HMCN1: variants seen among roughly 807,000 people sequenced by gnomAD.
The protein encoded by HMCN1 is hemicentin 1.
In HMCN1, 321 loss-of-function variants were observed where a neutral mutation model predicts 625.9. The observed-to-expected ratio is 0.51, with a 90% CI of 0.47 to 0.56. HMCN1 has a LOEUF of 0.56. Ranked by LOEUF, HMCN1 falls within the 20% of genes least tolerant of loss-of-function variation. The pLI, the probability that HMCN1 is intolerant of heterozygous loss-of-function variation, is 0.00. For synonymous variants in HMCN1, 2,425 were observed against 2,417.6 expected (o/e 1.00, Z -0.09); for missense variants, 6,588 against 6,887.3 (o/e 0.96, Z 1.54).
intron 89 of HMCN1, among the ~76,000 whole-genome samples, chr1:186,140,412 A>G (rs537385665): frequency 2.0e-5 from 3 of 152,164 alleles, no homozygotes; most frequent in Admixed American, 1.3e-4. Context: ...ACATCTCCTC[A>G]TGATTACATG....
At chr1:186,150,388 A>C (rs1215869572) in intron 93 of HMCN1, among the ~76,000 whole-genome samples, 1 of 152,236 alleles carries the variant, frequency 6.6e-6, no homozygotes, top group Non-Finnish European at 1.5e-5. Flanking sequence ...TTTGTTGAAC[A>C]ATAGAAAGAA....
chr1:185,952,874 A>G (rs1649319691), intron 11 of HMCN1, among the ~76,000 whole-genome samples: 1 of 151,310 alleles, frequency 6.6e-6, no homozygotes, highest in African/African-American at 2.4e-5. Context: ...GGATTGGGAC[A>G]CGGAAATAAG....
rs1266476611 is a variant in HMCN1 at position 186,053,025 on chromosome 1, G to C, written c.6651G>C (p.Leu2217Phe). ...TTGAAGGGAATCTCATTAGTCTGTT[G>C]TGTGAATCAAGTGGTATTCCACCCC... ...TVIEGNLISL[L>F]CESSGIPPPN... Residue 2217 changes from leucine (L) to phenylalanine (F), a missense_variant, in exon 43 of 107, where the codon TTG (leucine) becomes TTC (phenylalanine). Coordinates refer to ENST00000271588, the MANE Select transcript of HMCN1 (RefSeq NM_031935.3). 2 of 1,609,800 alleles carry C rather than the reference G, an allele frequency of 1.2e-6. No homozygotes were observed. Among genetic ancestry groups the C allele is most frequent in the South Asian group, 2.2e-5 (2 of 90,898 alleles).
intron 80 of HMCN1, 117 bp from the exon 81 acceptor site, chr1:186,122,834 G>T: frequency 9.3e-7 from 1 of 1,078,676 alleles, no homozygotes; most frequent in East Asian, 2.5e-5. Context: ...CTAATGATAT[G>T]GTGAAGTCAG....
At chr1:185,743,047 T>G (rs1012706414) in intron 1 of HMCN1, among the ~76,000 whole-genome samples, 8 of 152,228 alleles carry the variant, frequency 5.3e-5, no homozygotes, top group Non-Finnish European at 1.2e-4. Context: ...AATTTGACAT[T>G]GCTTATGATT....
rs1305289235 is a variant in HMCN1, at chr1:186,018,317, G to A, written c.5435G>A (p.Gly1812Glu). The change falls in exon 34 of 107, where the codon GGA becomes GAA. Residue 1812 changes from glycine to glutamate, a missense_variant. Gly to Glu is a moderately conservative substitution (Grantham distance 98, BLOSUM62 -2). Around this residue, in one of 3 missense-constraint regions of HMCN1, gnomAD observed 4,628 missense variants for 4,853.1 expected, o/e 0.95. Coordinates refer to ENST00000271588, the MANE Select transcript of HMCN1 (RefSeq NM_031935.3). ...LYRCMAANTA[G>E]DHKKEFEVTV... The stretch of plus-strand genomic sequence containing the variant: ...CGGTGCATGGCAGCAAATACTGCTG[G>A]AGACCACAAGAAGGAATTTGAAGTG... 2 of 1,612,908 alleles carry A rather than the reference G, an allele frequency of 1.2e-6. No homozygotes were observed. Among genetic ancestry groups the A allele is most frequent in the East Asian group, 4.5e-5 (2 of 44,850 alleles).
Position 185,962,633 on chromosome 1 carries a change from C to A in HMCN1, c.1944C>A (p.Asn648Lys). 6.3e-7 allele frequency: 1 copy of A among 1,588,862 alleles called. No homozygotes were observed. Among genetic ancestry groups the A allele is most frequent in the Non-Finnish European group, 8.6e-7 (1 of 1,157,002 alleles). Residue 648 changes from asparagine to lysine, a missense_variant, in exon 12 of 107, where the codon AAC becomes AAA. Transcript: ENST00000271588. ...YPKPKIAWTV[N>K]DMFIVGSHRY... The stretch of plus-strand genomic sequence containing the variant: ...AACCAAAGATTGCCTGGACCGTTAA[C>A]GATATGTTTATCGTGGGTTCACACA...
rs569609742 is a variant in HMCN1, at chr1:186,019,296, G to A, written c.5471-245G>A. Among the ~76,000 whole-genome samples, 22 of 151,994 alleles carry A rather than the reference G, an allele frequency of 1.4e-4. No individual in the cohort carries two copies. In the South Asian group the frequency reaches 3.5e-3, roughly 24 times the overall value. On this transcript the variant is annotated intron_variant, in intron 34 of 106. Transcript: ENST00000271588. ...TAAGCCAAATATACATGTGGATTAC[G>A]GTAGCCATAAATACAATTTACTTAT...
At chr1:185,829,539 A>C (rs1326692640) in intron 1 of HMCN1, among the ~76,000 whole-genome samples, 2 of 152,108 alleles carry the variant, frequency 1.3e-5, no homozygotes, top group Non-Finnish European at 2.9e-5. Flanking sequence ...TTAGTTTGCT[A>C]AGGATGATGG....
chr1:186,139,765 G>T (rs1426247779), intron 89 of HMCN1, among the ~76,000 whole-genome samples: 1 of 152,072 alleles, frequency 6.6e-6, no homozygotes, highest in African/African-American at 2.4e-5. Flanking sequence ...TGCCACATTG[G>T]TAGGTAAATA....
At chr1:186,144,474 A>C in intron 90 of HMCN1, 59 bp from the exon 91 acceptor site, 1 of 1,612,168 alleles carries the variant, frequency 6.2e-7, no homozygotes, top group African/African-American at 1.3e-5. Flanking sequence ...CAATGCCCAG[A>C]GTGTAACACG....
intron 2 of HMCN1, among the ~76,000 whole-genome samples, chr1:185,861,042 C>T (rs949585926): frequency 2.6e-5 from 4 of 152,068 alleles, no homozygotes; most frequent in Non-Finnish European, 4.4e-5. Flanking sequence ...TTAGGTTGAG[C>T]TTGAAGTTCC....
At chr1:185,787,420 G>A (rs1657696901) in intron 1 of HMCN1, among the ~76,000 whole-genome samples, 1 of 152,188 alleles carries the variant, frequency 6.6e-6, no homozygotes, top group Non-Finnish European at 1.5e-5. Context: ...AAGATTGGCA[G>A]AAGCACACCC....
At position 185,883,879 on chromosome 1, in the gene HMCN1, A is replaced by ATT. The variant is rs1205211897; in HGVS notation, c.621+18041_621+18042dup. Among the ~76,000 whole-genome samples the ATT allele has an allele frequency of 2.9e-3, 162 of 55,880 alleles. 1 individual carries two copies. Among genetic ancestry groups the ATT allele is most frequent in the Non-Finnish European group, 3.9e-3 (106 of 27,174 alleles). 36.7% of individuals were successfully genotyped at this position (55,880 alleles called of 152,430 possible). A position where few individuals can be genotyped will look rare whatever the true frequency, so the allele number is the denominator to read the frequency against. On this transcript the variant is annotated intron_variant, in intron 4 of 106. Coordinates refer to ENST00000271588, the MANE Select transcript of HMCN1 (RefSeq NM_031935.3). ...AATCAATTAATAGATATAGGTCATGATTTTTTTTTTTTTTTTTTTTTTTTT... is the reference window on the plus strand; with the variant it reads ...AATCAATTAATAGATATAGGTCATGATTTTTTTTTTTTTTTTTTTTTTTTTTT...
Position 186,190,543 on chromosome 1 carries a change from T to TA in HMCN1, c.*671dup, listed in dbSNP as rs1463739746. ...GCTGAACCACTTATGATAATAATAA[T>TA]AAAAAAGACTGCTTTGCCCTCACGT... On this transcript the variant is annotated 3_prime_UTR_variant, in exon 107 of 107. Coordinates refer to ENST00000271588, the MANE Select transcript of HMCN1 (RefSeq NM_031935.3). 4.9e-6 allele frequency: 1 copy of TA among 202,208 alleles called. No individual in the cohort carries two copies. Among genetic ancestry groups the TA allele is most frequent in the African/African-American group, 2.3e-5 (1 of 43,612 alleles). The allele number at this position is 202,208 out of a possible 1,614,324, so 12.5% of individuals were successfully genotyped here. A position where few individuals can be genotyped will look rare whatever the true frequency, so the allele number is the denominator to read the frequency against.
chr1:186,159,833 T>A (rs1027746241), intron 97 of HMCN1, among the ~76,000 whole-genome samples: 39 of 152,244 alleles, frequency 2.6e-4, no homozygotes, highest in African/African-American at 9.4e-4. Context: ...CAGTATTTTA[T>A]TGAGGATTTT....
intron 36 of HMCN1, among the ~76,000 whole-genome samples, chr1:186,031,444 C>T (rs6684429): frequency 0.64 from 96,790 of 151,090 alleles, 32,620 homozygotes; most frequent in African/African-American, 0.87. Context: ...CAAGATTGTT[C>T]CTTAGTTGTT....
intron 77 of HMCN1, among the ~76,000 whole-genome samples, chr1:186,118,491 T>C (rs1434841593): frequency 1.3e-5 from 2 of 152,304 alleles, no homozygotes; most frequent in South Asian, 4.1e-4. Context: ...CCTAGCAACT[T>C]CATTCCTAGG....
intron 1 of HMCN1, among the ~76,000 whole-genome samples, chr1:185,737,572 G>A (rs903783973): frequency 6.6e-6 from 1 of 152,028 alleles, no homozygotes; most frequent in African/African-American, 2.4e-5. Context: ...TATCTCTTAA[G>A]GTCTCTTCTA....
Sources: allele counts gnomAD v4.1 joint callset (sites outside exome capture counted in the v4.1 genomes callset), GRCh38; gene constraint gnomAD v4.1.1; regional missense constraint gnomAD v4.1.1; transcripts MANE v1.5; gene names NCBI Gene and HGNC (gene_info 2026-07-23, HGNC 2026-07-21).